RERE: variants seen among roughly 807,000 people sequenced by gnomAD.
The protein encoded by RERE is arginine-glutamic acid dipeptide repeats.
RERE carries 40 observed loss-of-function variants against 146.1 expected under a neutral mutation model. The ratio of observed to expected loss-of-function variants is 0.27; its 90% CI spans 0.21 to 0.36. RERE has a LOEUF of 0.36. Ranked by LOEUF, RERE falls within the 10% of genes least tolerant of loss-of-function variation. The pLI, the probability that RERE is intolerant of heterozygous loss-of-function variation, is 1.00. For synonymous variants in RERE, 1,003 were observed against 866.0 expected, an observed-to-expected ratio of 1.16 and a Z score of -2.78; for missense variants, 1,933 against 2,138.7, an observed-to-expected ratio of 0.90 and a Z score of 1.90.
chr1:8,435,038 CA>C (rs1471498373), intron 11 of RERE, among the ~76,000 whole-genome samples: 5 of 152,208 alleles, frequency 3.3e-5, no homozygotes, highest in Admixed American at 2.6e-4. Context: ...TTTTTATTAT[CA>C]GGGGTAACGT....
intron 12 of RERE, among the ~76,000 whole-genome samples, chr1:8,400,837 C>CAA (rs147651647): frequency 4.1e-4 from 24 of 58,580 alleles, no homozygotes; most frequent in South Asian, 7.8e-4. Context: ...AACACCATCT[C>CAA]AAAAAAAAAA....
chr1:8,451,688 AG>A (rs536643452), intron 11 of RERE, among the ~76,000 whole-genome samples: 47 of 152,302 alleles, frequency 3.1e-4, no homozygotes, highest in Admixed American at 2.8e-3. Flanking sequence ...CTAGGGGCAT[AG>A]TCCTGATCCA....
At chr1:8,705,823 A>G (rs1639546071) in intron 1 of RERE, among the ~76,000 whole-genome samples, 1 of 152,200 alleles carries the variant, frequency 6.6e-6, no homozygotes, top group Admixed American at 6.5e-5. Context: ...GCAAATAAGA[A>G]TATCTTCTAT....
intron 1 of RERE, chr1:8,750,393 CT>C: frequency 2.9e-6 from 2 of 698,376 alleles, no homozygotes; most frequent in South Asian, 3.2e-5. Context: ...ACCCAGTAGT[CT>C]TTTAAAAACC....
intron 2 of RERE, among the ~76,000 whole-genome samples, chr1:8,653,694 C>CAAA (rs775354970): frequency 3.0e-3 from 139 of 45,872 alleles, no homozygotes; most frequent in African/African-American, 9.7e-3. Context: ...GACTCCACCT[C>CAAA]AAAAAAAAAA....
At chr1:8,796,973 A>G (rs1641487542) in intron 1 of RERE, among the ~76,000 whole-genome samples, 1 of 152,204 alleles carries the variant, frequency 6.6e-6, no homozygotes, top group South Asian at 2.1e-4. Flanking sequence ...AGCCAGTGAT[A>G]GGACCTACTA....
chr1:8,796,008 A>C (rs1331393276), intron 1 of RERE, among the ~76,000 whole-genome samples: 4 of 151,400 alleles, frequency 2.6e-5, no homozygotes, highest in Non-Finnish European at 5.9e-5. Flanking sequence ...ACAAAACAAA[A>C]CAGGAATTAT....
intron 8 of RERE, among the ~76,000 whole-genome samples, chr1:8,498,470 T>C (rs981969332): frequency 2.3e-4 from 35 of 151,734 alleles, no homozygotes; most frequent in East Asian, 1.4e-3. Flanking sequence ...CTGAGGTGGG[T>C]GGATCACCTG....
chr1:8,731,563 C>CT (rs1640082914), intron 1 of RERE, among the ~76,000 whole-genome samples: 1 of 151,712 alleles, frequency 6.6e-6, no homozygotes, highest in African/African-American at 2.4e-5. Context: ...TCCCCAACAC[C>CT]TTTCCACCAC....
intron 3 of RERE, 133 bp from the exon 4 acceptor site, chr1:8,614,819 G>T: frequency 3.0e-6 from 3 of 988,590 alleles, no homozygotes; most frequent in Non-Finnish European, 4.4e-6. Flanking sequence ...CAGATAATTT[G>T]TTCTACCACT....
At chr1:8,415,164 T>A (rs1643726678) in intron 12 of RERE, among the ~76,000 whole-genome samples, 1 of 152,160 alleles carries the variant, frequency 6.6e-6, no homozygotes, top group Non-Finnish European at 1.5e-5. Context: ...TAAAAAAGAA[T>A]CTATGATATA....
intron 4 of RERE, among the ~76,000 whole-genome samples, chr1:8,613,957 A>G (rs576749663): frequency 7.9e-5 from 12 of 152,164 alleles, no homozygotes; most frequent in Non-Finnish European, 1.6e-4. Context: ...GGGATAAAGC[A>G]CTACAGATAC....
At chr1:8,466,260 G>C (rs1470067354) in intron 10 of RERE, among the ~76,000 whole-genome samples, 1 of 152,160 alleles carries the variant, frequency 6.6e-6, no homozygotes, top group African/African-American at 2.4e-5. Context: ...TTTTGGCAAA[G>C]ATAGGAATAG....
chr1:8,531,887 A>G (rs1046426270), intron 7 of RERE, among the ~76,000 whole-genome samples: 2 of 152,248 alleles, frequency 1.3e-5, no homozygotes, highest in Non-Finnish European at 2.9e-5. Flanking sequence ...ACCATAGTCA[A>G]TAATAATCCA....
chr1:8,693,205 A>G (rs1434069396), intron 1 of RERE, among the ~76,000 whole-genome samples: 1 of 152,150 alleles, frequency 6.6e-6, no homozygotes, highest in African/African-American at 2.4e-5. Flanking sequence ...AAAACTAAAC[A>G]TACTCTTACC....
chr1:8,504,847 C>A (rs1021092826), intron 8 of RERE, among the ~76,000 whole-genome samples: 16 of 150,756 alleles, frequency 1.1e-4, no homozygotes, highest in Non-Finnish European at 1.9e-4. Flanking sequence ...AGTGAGACTC[C>A]GTCTCAAAAA....
chr1:8,399,703 T>A (rs1643180431), intron 12 of RERE, among the ~76,000 whole-genome samples: 2 of 152,186 alleles, frequency 1.3e-5, no homozygotes, highest in South Asian at 4.1e-4. Context: ...AGTAAGGGGA[T>A]CTTTATAATG....
At chr1:8,419,104 T>C (rs1643854532) in intron 12 of RERE, among the ~76,000 whole-genome samples, 1 of 152,118 alleles carries the variant, frequency 6.6e-6, no homozygotes, top group Non-Finnish European at 1.5e-5. Flanking sequence ...TTTATAAGCA[T>C]ATTGAGGGGA....
chr1:8,516,570 G>A (rs1273928653), intron 7 of RERE, among the ~76,000 whole-genome samples: 1 of 152,164 alleles, frequency 6.6e-6, no homozygotes, highest in East Asian at 1.9e-4. Flanking sequence ...GAAGCCAAGA[G>A]ACGTTACGCA....
Sources: allele counts gnomAD v4.1 joint callset (sites outside exome capture counted in the v4.1 genomes callset), GRCh38; gene constraint gnomAD v4.1.1; transcripts MANE v1.5; gene names NCBI Gene and HGNC (gene_info 2026-07-23, HGNC 2026-07-21).